Variants in DHRSX observed in about 807,000 individuals in gnomAD.
DHRSX encodes the protein polyprenol dehydrogenase.
In DHRSX, 31 loss-of-function variants were observed where a neutral mutation model predicts 34.0. That is an observed-to-expected ratio of 0.91 (90% CI 0.69 to 1.23). The LOEUF is 1.23. Among genes scored for constraint, DHRSX ranks in the 50% most tolerant of loss-of-function variants. The probability of loss-of-function intolerance (pLI) is 0.00; values close to 1 mark genes in which losing one functional copy is unlikely to be tolerated. For missense variants in DHRSX, 414 were observed against 428.1 expected (o/e 0.97, Z 0.29); for synonymous variants, 201 against 183.8 (o/e 1.09, Z -0.76).
chrX:2,439,168 A>C (rs1244988261), intron 1 of DHRSX, among the ~76,000 whole-genome samples: 1 of 152,064 alleles, frequency 6.6e-6, no homozygotes, highest in Non-Finnish European at 1.5e-5. Flanking sequence ...AAAGCTTAAA[A>C]AATAAAAACA....
At chrX:2,496,344 G>A (rs1398444130) in intron 1 of DHRSX, among the ~76,000 whole-genome samples, 3 of 151,788 alleles carry the variant, frequency 2.0e-5, no homozygotes, top group African/African-American at 4.8e-5. Context: ...GACTACAGGC[G>A]CACACTGCCA....
intron 3 of DHRSX, among the ~76,000 whole-genome samples, chrX:2,382,167 G>C (rs1275974675): frequency 2.0e-5 from 3 of 152,110 alleles, no homozygotes; most frequent in Non-Finnish European, 2.9e-5. Context: ...CTCTTTCTGG[G>C]CTCCCACAAG....
rs770728552 is a variant in DHRSX, at chrX:2,434,344, T to A, written c.110-9040A>T. Among the ~76,000 whole-genome samples, 26 of 152,250 alleles carry A rather than the reference T, an allele frequency of 1.7e-4. No homozygotes were observed. In the South Asian group the frequency reaches 2.9e-3, roughly 17 times the overall value. On this transcript the variant is annotated intron_variant, in intron 1 of 6. Transcript: ENST00000334651. Reference sequence around the variant, plus strand: ...AAATGTACCCACCAAGACTGCATTTTCTTAGGAGATAAGTTGACAATGACT... The same window carrying A: ...AAATGTACCCACCAAGACTGCATTTACTTAGGAGATAAGTTGACAATGACT...
chrX:2,394,998 C>T (rs1569496927), intron 3 of DHRSX, among the ~76,000 whole-genome samples: 1 of 138,332 alleles, frequency 7.2e-6, no homozygotes, highest in African/African-American at 2.6e-5. Context: ...ACAAGTGGTC[C>T]GAGTTACAGG....
chrX:2,470,758 G>A lies in DHRSX; in HGVS notation c.109+30059C>T, dbSNP rs148402264. On this transcript the variant is annotated intron_variant, in intron 1 of 6. Transcript: ENST00000334651. ...TTTTTTTCAGTTAGATAAAACAAATGAATTCCAAGTTCTATCACACCACAC... is the reference window on the plus strand; with the variant it reads ...TTTTTTTCAGTTAGATAAAACAAATAAATTCCAAGTTCTATCACACCACAC... Among the ~76,000 whole-genome samples the A allele has an allele frequency of 2.9e-3, 435 of 151,382 alleles. 8 individuals carry two copies. Among genetic ancestry groups the A allele is most frequent in the African/African-American group, 9.2e-3 (379 of 41,122 alleles).
chrX:2,269,167 ATT>A (rs2124465895), intron 4 of DHRSX, among the ~76,000 whole-genome samples: 1 of 152,248 alleles, frequency 6.6e-6, no homozygotes, highest in African/African-American at 2.4e-5. Flanking sequence ...TAGGTCTAGC[ATT>A]TGTCTACATA....
rs1254091352 is a variant in DHRSX, at chrX:2,282,633, GGA to G, written c.388+8867_388+8868del. On this transcript the variant is annotated intron_variant, in intron 4 of 6. Transcript: ENST00000334651. Reference sequence around the variant, plus strand: ...AGAAAGAGGGGAGGGAGAGAAGAAGGGAAAGGGAGGGAGAGAGGGAGAGAGAG... The same window carrying G: ...AGAAAGAGGGGAGGGAGAGAAGAAGGAAGGGAGGGAGAGAGGGAGAGAGAG... Among the ~76,000 whole-genome samples, 489 of 68,746 alleles carry G rather than the reference GGA, an allele frequency of 7.1e-3. 2 individuals are homozygous for G. The highest frequency in any genetic ancestry group is 0.015 in the Non-Finnish European group (428 of 28,172). The allele number at this position is 68,746 out of a possible 152,430, so 45.1% of individuals were successfully genotyped here. A position where few individuals can be genotyped will look rare whatever the true frequency, so the allele number is the denominator to read the frequency against.
At chrX:2,264,144 A>G (rs1396888621) in intron 5 of DHRSX, among the ~76,000 whole-genome samples, 4 of 152,248 alleles carry the variant, frequency 2.6e-5, no homozygotes, top group Non-Finnish European at 5.9e-5. Context: ...GGGGATGTAC[A>G]TATCCCACAA....
rs1340702180 is a variant in DHRSX at position 2,244,018 on chromosome X, T to C, written c.597-788A>G. ...ACTCCTGACCTCGGGTGATCCACCC[T>C]CCTTGGCCTCCCAAAGTGCTGGGAT... On this transcript the variant is annotated intron_variant, in intron 5 of 6. Coordinates refer to ENST00000334651, the MANE Select transcript of DHRSX (RefSeq NM_145177.3). Among the ~76,000 whole-genome samples, 5 of 150,404 alleles carry C rather than the reference T, an allele frequency of 3.3e-5. No individual in the cohort carries two copies. In the East Asian group the frequency reaches 1.0e-3, roughly 30 times the overall value.
In DHRSX at chrX:2,481,601, G is replaced by T. The variant is rs1485900737; in HGVS notation, c.109+19216C>A. ...GAATGGCTTGAACCCAGGAGGCGGA[G>T]GTTTCTGTGAGCCGAGATCGTGCCA... On this transcript the variant is annotated intron_variant, in intron 1 of 6. Coordinates refer to ENST00000334651, the MANE Select transcript of DHRSX (RefSeq NM_145177.3). Among the ~76,000 whole-genome samples the T allele has an allele frequency of 1.3e-5, 2 of 151,962 alleles. 1 individual carries two copies. Among genetic ancestry groups the T allele is most frequent in the African/African-American group, 4.8e-5 (2 of 41,322 alleles).
intron 3 of DHRSX, among the ~76,000 whole-genome samples, chrX:2,343,854 A>G (rs916288143): frequency 2.6e-5 from 4 of 152,196 alleles, no homozygotes; most frequent in African/African-American, 7.2e-5. Flanking sequence ...GTGTATTAGT[A>G]TGTATAGGTT....
intron 1 of DHRSX, among the ~76,000 whole-genome samples, chrX:2,447,982 G>T (rs963720165): frequency 1.3e-5 from 2 of 151,076 alleles, no homozygotes. Context: ...ACCACTGAAG[G>T]CCAGAAGTTT....
chrX:2,369,877 A>G (rs758704019), intron 3 of DHRSX, among the ~76,000 whole-genome samples: 94 of 152,176 alleles, frequency 6.2e-4, no homozygotes, highest in African/African-American at 2.2e-3. Flanking sequence ...TCCTGACATC[A>G]AGTGATCTGC....
chrX:2,420,983 T>A (rs942836386), intron 2 of DHRSX, among the ~76,000 whole-genome samples: 1 of 152,178 alleles, frequency 6.6e-6, no homozygotes, highest in African/African-American at 2.4e-5. Context: ...CTAAGCTTCA[T>A]CATGTGAAAC....
At chrX:2,327,752 G>C (rs1294109678) in intron 3 of DHRSX, among the ~76,000 whole-genome samples, 1 of 152,118 alleles carries the variant, frequency 6.6e-6, no homozygotes, top group East Asian at 1.9e-4. Context: ...TCACCAGGGA[G>C]GCCCCTAATC....
intron 3 of DHRSX, among the ~76,000 whole-genome samples, chrX:2,385,501 GA>G (rs1235358534): frequency 9.9e-5 from 15 of 151,144 alleles, no homozygotes; most frequent in African/African-American, 3.4e-4. Flanking sequence ...CTGGCAGCCA[GA>G]ACCAATCAAT....
intron 1 of DHRSX, among the ~76,000 whole-genome samples, chrX:2,493,300 G>A (rs2045204001): frequency 6.6e-6 from 1 of 152,146 alleles, no homozygotes; most frequent in African/African-American, 2.4e-5. Context: ...ACAGGACACA[G>A]CTGTATCAGA....
At chrX:2,377,256 C>T (rs185586448) in intron 3 of DHRSX, among the ~76,000 whole-genome samples, 21 of 151,804 alleles carry the variant, frequency 1.4e-4, no homozygotes, top group East Asian at 7.8e-4. Flanking sequence ...TATGATGATA[C>T]GTTAAATGAA....
intron 3 of DHRSX, among the ~76,000 whole-genome samples, chrX:2,324,110 T>C (rs1602944150): frequency 6.6e-6 from 1 of 152,014 alleles, no homozygotes; most frequent in South Asian, 2.1e-4. Context: ...CTCTGCTTTG[T>C]AATTAAAAGT....
Sources: allele counts gnomAD v4.1 joint callset (sites outside exome capture counted in the v4.1 genomes callset), GRCh38; gene constraint gnomAD v4.1.1; transcripts MANE v1.5; gene names NCBI Gene and HGNC (gene_info 2026-07-23, HGNC 2026-07-21).